The following GABRB3 variants were observed in gnomAD, a reference collection of about 807,000 sequenced individuals.
The protein encoded by GABRB3 is gamma-aminobutyric acid receptor subunit beta-3.
Under a neutral mutation model 52.1 loss-of-function variants are expected in GABRB3, and 14 were observed. That is an observed-to-expected ratio of 0.27 (90% CI 0.18 to 0.42). GABRB3 has a LOEUF of 0.42. Ranked by LOEUF, GABRB3 falls within the 10% of genes least tolerant of loss-of-function variation. The pLI is 1.00. For synonymous variants in GABRB3, 260 were observed against 232.3 expected (o/e 1.12, Z -1.08); for missense variants, 307 against 609.1 (o/e 0.50, Z 5.22).
chr15:26,760,846 C>T (rs571358708), intron 3 of GABRB3, among the ~76,000 whole-genome samples: 39 of 128,372 alleles, frequency 3.0e-4, no homozygotes, highest in African/African-American at 1.1e-3. Context: ...AACAAAAACC[C>T]ACCACAATTA....
chr15:26,628,174 A>G (rs1476714678), intron 3 of GABRB3, among the ~76,000 whole-genome samples: 3 of 152,272 alleles, frequency 2.0e-5, no homozygotes, highest in Non-Finnish European at 4.4e-5. Flanking sequence ...TAGTATAAAC[A>G]TAACTTTTAT....
rs1261427079 is a variant in GABRB3, at chr15:26,772,980, G to A, written c.-18C>T. The A allele has an allele frequency of 1.4e-6, 2 of 1,391,716 alleles. No homozygotes were observed. Among genetic ancestry groups the A allele is most frequent in the East Asian group, 3.4e-5 (1 of 29,218 alleles). 86.2% of individuals were successfully genotyped at this position (1,391,716 alleles called of 1,614,324 possible). A position where few individuals can be genotyped will look rare whatever the true frequency, so the allele number is the denominator to read the frequency against. ...CCCCACATCCCTCCGCCGCGCCCCGGCACGGGGGAGGGGGCGCCCCGCCGC... is the reference window on the plus strand; with the variant it reads ...CCCCACATCCCTCCGCCGCGCCCCGACACGGGGGAGGGGGCGCCCCGCCGC... On this transcript the variant is annotated 5_prime_UTR_variant, in exon 1 of 9. Transcript: ENST00000311550.
At chr15:26,651,325 G>A (rs924442089) in intron 3 of GABRB3, among the ~76,000 whole-genome samples, 7 of 152,212 alleles carry the variant, frequency 4.6e-5, no homozygotes, top group Non-Finnish European at 8.8e-5. Context: ...TGAATAAACA[G>A]GGCACCCCTG....
chr15:26,633,409 C>A (rs1352603371), intron 3 of GABRB3, among the ~76,000 whole-genome samples: 1 of 152,118 alleles, frequency 6.6e-6, no homozygotes, highest in African/African-American at 2.4e-5. Flanking sequence ...CTTTAGAAAA[C>A]CCCATCCTAT....
intron 2 of GABRB3, 70 bp downstream of exon 2, chr15:26,772,608 CCCG>C (rs1891181698): frequency 6.9e-7 from 1 of 1,448,414 alleles, no homozygotes; most frequent in Admixed American, 2.3e-5. Context: ...GGATGCGGCC[CCCG>C]CCTCCCTCCG....
At position 26,548,134 on chromosome 15, in the gene GABRB3, C is replaced by T. The variant is rs1889329356; in HGVS notation, c.1081G>A (p.Val361Met). The change falls in exon 9 of 9, where the codon GTG becomes ATG. Residue 361 changes from valine (V) to methionine (M), a missense_variant and splice_region_variant. Around this residue, in one of 6 missense-constraint regions of GABRB3, gnomAD observed 115 missense variants for 166.9 expected, o/e 0.69. Transcript: ENST00000311550. ...AACAGAATATTTCCATGAGCATCCA[C>T]CTAATTGGACGGAAAATGCACATGG... Reference protein sequence around the residue: ...NDRSKSESNRVDAHGNILLTS... With the variant: ...NDRSKSESNRMDAHGNILLTS... 4 of 1,613,248 alleles carry T rather than the reference C, an allele frequency of 2.5e-6. No individual in the cohort carries two copies. Among genetic ancestry groups the T allele is most frequent in the Non-Finnish European group, 2.5e-6 (3 of 1,179,244 alleles).
At chr15:26,552,068 A>G (rs1372444284) in intron 8 of GABRB3, among the ~76,000 whole-genome samples, 2 of 151,374 alleles carry the variant, frequency 1.3e-5, no homozygotes, top group Non-Finnish European at 2.9e-5. Flanking sequence ...GTGCAGTGGC[A>G]CAATCTCAGC....
intron 3 of GABRB3, among the ~76,000 whole-genome samples, chr15:26,670,453 G>C (rs2140629460): frequency 6.6e-6 from 1 of 152,292 alleles, no homozygotes; most frequent in South Asian, 2.1e-4. Flanking sequence ...TGGGCGCAGA[G>C]GTGGCCGCCA....
At position 26,670,493 on chromosome 15, in the gene GABRB3, G is replaced by C. The variant is rs538985938; in HGVS notation, c.241-48959C>G. ...GCGGCTTCGGAGCACGGCCTGGGAA[G>C]GGAGGAAGGGAAGAGAAGAGGAGCC... On this transcript the variant is annotated intron_variant, in intron 3 of 8. Transcript: ENST00000311550. Among the ~76,000 whole-genome samples the C allele has an allele frequency of 2.6e-5, 4 of 152,280 alleles. No individual in the cohort carries two copies. The East Asian group carries it at 7.8e-4, about 30-fold the overall frequency.
intron 3 of GABRB3, among the ~76,000 whole-genome samples, chr15:26,679,231 G>A (rs1888163251): frequency 6.6e-6 from 1 of 152,146 alleles, no homozygotes; most frequent in Non-Finnish European, 1.5e-5. Flanking sequence ...CTGCCCTCTG[G>A]TACTTGCTTC....
At chr15:26,687,041 C>T (rs1443684463) in intron 3 of GABRB3, among the ~76,000 whole-genome samples, 1 of 152,208 alleles carries the variant, frequency 6.6e-6, no homozygotes, top group Non-Finnish European at 1.5e-5. Context: ...ACAGGGATGG[C>T]GAGCTGGCTC....
intron 3 of GABRB3, among the ~76,000 whole-genome samples, chr15:26,742,961 G>A (rs1037204444): frequency 4.4e-5 from 5 of 112,564 alleles, no homozygotes; most frequent in East Asian, 2.7e-4. Context: ...ACAGAGTCTC[G>A]CTATGGCGCC....
chr15:26,583,447 G>C, intron 4 of GABRB3, 33 bp from the exon 5 acceptor site: 1 of 1,555,460 alleles, frequency 6.4e-7, no homozygotes, highest in Non-Finnish European at 8.9e-7. Context: ...AGATATTAAA[G>C]AAGGGCTGAG....
intron 4 of GABRB3, 27 bp from the exon 5 acceptor site, chr15:26,583,441 AT>A: frequency 6.3e-7 from 1 of 1,582,396 alleles, no homozygotes; most frequent in Non-Finnish European, 8.7e-7. Flanking sequence ...GAGGGAAGAT[AT>A]TAAAGAAGGG....
intron 3 of GABRB3, among the ~76,000 whole-genome samples, chr15:26,678,185 T>A (rs1397440869): frequency 6.6e-6 from 1 of 152,190 alleles, no homozygotes; most frequent in Non-Finnish European, 1.5e-5. Flanking sequence ...TCCTTGGTGA[T>A]TTTTATCTTC....
intron 3 of GABRB3, among the ~76,000 whole-genome samples, chr15:26,626,262 G>A (rs1892688215): frequency 1.3e-5 from 2 of 152,264 alleles, no homozygotes; most frequent in South Asian, 2.1e-4. Flanking sequence ...TCCTCTGACT[G>A]ATCTACCAAC....
chr15:26,708,978 T>C (rs547133930), intron 3 of GABRB3, among the ~76,000 whole-genome samples: 73 of 152,380 alleles, frequency 4.8e-4, no homozygotes, highest in African/African-American at 1.5e-3. Context: ...TTTTGTACTA[T>C]GTTTCTAAGA....
At chr15:26,707,241 C>A (rs1158104804) in intron 3 of GABRB3, among the ~76,000 whole-genome samples, 1 of 152,074 alleles carries the variant, frequency 6.6e-6, no homozygotes, top group East Asian at 1.9e-4. Context: ...AGGCATGTTC[C>A]CAGGAACTCT....
chr15:26,762,720 T>C (rs1341442403), intron 3 of GABRB3, among the ~76,000 whole-genome samples: 2 of 152,204 alleles, frequency 1.3e-5, no homozygotes, highest in East Asian at 1.9e-4. Context: ...TAACGTTCTA[T>C]AGGACGGTGT....
Sources: gnomAD v4.1 joint callset for allele counts (sites outside exome capture counted in the v4.1 genomes callset) on GRCh38, gnomAD v4.1.1 for gene constraint, gnomAD v4.1.1 regional missense constraint, MANE v1.5 for transcripts, NCBI Gene and HGNC (gene_info 2026-07-23, HGNC 2026-07-21) for gene names.